TUFT1: variants seen among roughly 807,000 people sequenced by gnomAD.
TUFT1 encodes tuftelin 1.
Under a neutral mutation model 57.8 loss-of-function variants are expected in TUFT1, and 43 were observed. The ratio of observed to expected loss-of-function variants is 0.74; its 90% CI spans 0.58 to 0.96. TUFT1 has a LOEUF of 0.96. TUFT1 is among the 40% of genes least tolerant of loss of function. TUFT1 has a pLI of 0.00. For synonymous variants in TUFT1, 166 were observed against 176.7 expected, an observed-to-expected ratio of 0.94 and a Z score of 0.48; for missense variants, 459 against 489.0, an observed-to-expected ratio of 0.94 and a Z score of 0.58.
intron 1 of TUFT1, chr1:151,557,403 G>T: frequency 2.4e-6 from 2 of 845,366 alleles, no homozygotes. Context: ...GAAAACCTAA[G>T]AGGGGCTTTC....
intron 8 of TUFT1, 33 bp from the exon 9 acceptor site, chr1:151,574,878 C>T (rs1389100315): frequency 6.5e-7 from 1 of 1,538,046 alleles, no homozygotes; most frequent in Non-Finnish European, 8.8e-7. Context: ...TTGCCATCTT[C>T]TCATCCTAGA....
At chr1:151,545,215 C>T (rs900974903) in intron 1 of TUFT1, among the ~76,000 whole-genome samples, 5 of 152,072 alleles carry the variant, frequency 3.3e-5, no homozygotes, top group Non-Finnish European at 5.9e-5. Flanking sequence ...GAGACTGAGG[C>T]AGGAGAATCA....
chr1:151,572,042 A>T (rs1368543358), intron 7 of TUFT1, among the ~76,000 whole-genome samples: 2 of 152,072 alleles, frequency 1.3e-5, no homozygotes, highest in East Asian at 3.9e-4. Flanking sequence ...TCTCTACAAA[A>T]ATAAAAAAAT....
intron 1 of TUFT1, chr1:151,557,692 C>T (rs2102530972): frequency 1.2e-6 from 1 of 829,258 alleles, no homozygotes; most frequent in Non-Finnish European, 2.1e-6. Context: ...TGATTACCTT[C>T]ATCTGCCCCG....
intron 1 of TUFT1, among the ~76,000 whole-genome samples, chr1:151,542,419 A>G (rs1207896878): frequency 6.7e-6 from 1 of 149,046 alleles, no homozygotes; most frequent in Non-Finnish European, 1.5e-5. Flanking sequence ...GTTGGTAGAG[A>G]TGGGATTTCA....
At chr1:151,565,910 CTCT>C (rs1666055293) in intron 5 of TUFT1, 1 of 404,814 alleles carries the variant, frequency 2.5e-6, no homozygotes, top group African/African-American at 2.0e-5. Flanking sequence ...TCTCCACCCC[CTCT>C]TGTTTCTATT....
In TUFT1 at chr1:151,545,842, G is replaced by A. The variant is rs184748971; in HGVS notation, c.60+5416G>A. ...CCTGACTCAGCCAGTACTGGTCTTA[G>A]ACTGGTGATGGGTCAGGGTTCATAT... is the stretch of plus-strand genomic sequence containing the variant. On this transcript the variant is annotated intron_variant, in intron 1 of 12. Coordinates refer to ENST00000368849, the MANE Select transcript of TUFT1 (RefSeq NM_020127.3). The A allele has an allele frequency of 1.5e-5, 8 of 534,070 alleles. No individual in the cohort carries two copies. The Admixed American group carries it at 1.6e-4, about 10-fold the overall frequency. The allele number at this position is 534,070 out of a possible 1,614,324, so 33.1% of individuals were successfully genotyped here.
chr1:151,557,991 A>T, intron 1 of TUFT1: 1 of 431,776 alleles, frequency 2.3e-6, no homozygotes, highest in South Asian at 1.9e-5. Flanking sequence ...AAAAAACTTA[A>T]AAAAAAAAAA....
intron 1 of TUFT1, chr1:151,557,362 A>G (rs1475260231): frequency 1.6e-6 from 1 of 625,286 alleles, no homozygotes; most frequent in Non-Finnish European, 2.9e-6. Flanking sequence ...ACATTGTTAT[A>G]CTTTTTGCTT....
chr1:151,548,309 T>TC lies in TUFT1; in HGVS notation c.60+7883_60+7884insC, dbSNP rs545067880. Among the ~76,000 whole-genome samples, 327 of 148,680 alleles carry TC rather than the reference T, an allele frequency of 2.2e-3. 15 individuals carry two copies. In the South Asian group the frequency reaches 0.066, roughly 30 times the overall value. ...TTTCTTTTTTCTTTTTCTTTTCTTT[T>TC]TTTTTTTTTTTTGAGACGGAGTCTT... On this transcript the variant is annotated intron_variant, in intron 1 of 12. Transcript: ENST00000368849.
chr1:151,540,444 C>A lies in TUFT1; in HGVS notation c.60+18C>A. On this transcript the variant is annotated intron_variant, in intron 1 of 12. Transcript: ENST00000368849. ...AGGCGGCGGTAAGAAAAAGCGCTCTCGCTGTCTTCTCCGTTTTGTATTCCC... is the reference window on the plus strand; with the variant it reads ...AGGCGGCGGTAAGAAAAAGCGCTCTAGCTGTCTTCTCCGTTTTGTATTCCC... 1.2e-6 allele frequency: 2 copies of A among 1,614,062 alleles called. No homozygotes were observed. Among genetic ancestry groups the A allele is most frequent in the Non-Finnish European group, 1.7e-6 (2 of 1,179,898 alleles).
At chr1:151,542,697 T>C (rs1385094115) in intron 1 of TUFT1, among the ~76,000 whole-genome samples, 1 of 152,170 alleles carries the variant, frequency 6.6e-6, no homozygotes, top group East Asian at 1.9e-4. Flanking sequence ...TTTTATTCCT[T>C]TTTTCTAGGC....
At position 151,581,592 on chromosome 1, in the gene TUFT1, C is replaced by T. The variant is rs1238703300; in HGVS notation, c.1110-52C>T. 1.9e-6 allele frequency: 3 copies of T among 1,582,736 alleles called. No individual in the cohort carries two copies. The African/African-American group carries it at 4.0e-5, about 21-fold the overall frequency. ...TTCCAGGGGCTCTGTGAAGGGTGGG[C>T]CACAACACAGCTGTTCCCAGCACAA... On this transcript the variant is annotated intron_variant, in intron 12 of 12. Transcript: ENST00000368849.
Position 151,574,406 on chromosome 1 carries a change from G to T in TUFT1, c.723+8G>T. 6.2e-7 allele frequency: 1 copy of T among 1,613,834 alleles called. No homozygotes were observed. The highest frequency in any genetic ancestry group is 1.1e-5 in the South Asian group (1 of 91,032). Reference sequence around the variant, plus strand: ...TTGCTAGGGATGGAGACGGTAACCGGGGGATCTTGCTTGTCAGTGCCTGGA... The same window carrying T: ...TTGCTAGGGATGGAGACGGTAACCGTGGGATCTTGCTTGTCAGTGCCTGGA... On this transcript the variant is annotated splice_region_variant and intron_variant, in intron 8 of 12. Transcript: ENST00000368849.
chr1:151,570,855 C>T (rs1666231462), intron 7 of TUFT1, among the ~76,000 whole-genome samples: 1 of 152,134 alleles, frequency 6.6e-6, no homozygotes, highest in African/African-American at 2.4e-5. Context: ...AACAGGTGCA[C>T]ACCACCATGC....
At chr1:151,571,885 C>CTGCAT (rs1481676025) in intron 7 of TUFT1, among the ~76,000 whole-genome samples, 14 of 152,236 alleles carry the variant, frequency 9.2e-5, no homozygotes, top group African/African-American at 3.4e-4. Flanking sequence ...TATGCAGGAC[C>CTGCAT]ACCTGCAGCA....
At chr1:151,557,174 T>C (rs1455591842) in intron 1 of TUFT1, among the ~76,000 whole-genome samples, 1 of 152,212 alleles carries the variant, frequency 6.6e-6, no homozygotes, top group Non-Finnish European at 1.5e-5. Flanking sequence ...TTATACATTA[T>C]GTATACATAG....
intron 6 of TUFT1, among the ~76,000 whole-genome samples, chr1:151,566,920 T>C (rs1295099268): frequency 6.6e-6 from 1 of 152,100 alleles, no homozygotes; most frequent in Non-Finnish European, 1.5e-5. Context: ...ATTGACTGAT[T>C]GATTGATTGA....
intron 8 of TUFT1, among the ~76,000 whole-genome samples, chr1:151,574,660 C>CCTGAGTGGGCCTGCTG (rs1666389865): frequency 2.6e-5 from 4 of 152,206 alleles, no homozygotes; most frequent in Admixed American, 2.0e-4. Context: ...GACTGGCAGC[C>CCTGAGTGGGCCTGCTG]ATAGCTGGCG....
Sources: gnomAD v4.1 joint callset for allele counts (sites outside exome capture counted in the v4.1 genomes callset) on GRCh38, gnomAD v4.1.1 for gene constraint, MANE v1.5 for transcripts, NCBI Gene and HGNC (gene_info 2026-07-23, HGNC 2026-07-21) for gene names.